The following ZNF567 variants were observed in gnomAD, a reference collection of about 807,000 sequenced individuals.
ZNF567 encodes the protein zinc finger protein 567.
Under a neutral mutation model 53.9 loss-of-function variants are expected in ZNF567, and 36 were observed. The ratio of observed to expected loss-of-function variants is 0.67; its 90% confidence interval spans 0.51 to 0.88. The LOEUF (loss-of-function observed/expected upper bound fraction) is 0.88, where lower values mean the gene tolerates loss of function less well. Ranked by LOEUF, ZNF567 falls within the 40% of genes least tolerant of loss-of-function variation. The pLI is 0.00. For synonymous variants in ZNF567, 224 were observed against 260.4 expected (o/e 0.86, Z 1.35); for missense variants, 619 against 764.7 (o/e 0.81, Z 2.25).
the ZNF567 span, among the ~76,000 whole-genome samples, chr19:36,671,491 C>T: frequency 1.3e-5 from 2 of 152,152 alleles, no homozygotes; most frequent in African/African-American, 2.4e-5. Context: ...TAGTTTACAG[C>T]GGGGCCCAGA....
chr19:36,697,021 G>A (rs921371470), intron 3 of ZNF567, among the ~76,000 whole-genome samples: 5 of 152,096 alleles, frequency 3.3e-5, no homozygotes, highest in African/African-American at 9.7e-5. Flanking sequence ...GTGCCTTAGA[G>A]GAATGTATAT....
At chr19:36,707,871 G>A (rs906155444) in intron 3 of ZNF567, among the ~76,000 whole-genome samples, 1 of 152,072 alleles carries the variant, frequency 6.6e-6, no homozygotes, top group Non-Finnish European at 1.5e-5. Flanking sequence ...GAGCCACTGC[G>A]CCCGGCCTAT....
At chr19:36,717,967 G>A (rs2040136869) in intron 5 of ZNF567, among the ~76,000 whole-genome samples, 1 of 152,202 alleles carries the variant, frequency 6.6e-6, no homozygotes, top group Non-Finnish European at 1.5e-5. Flanking sequence ...GCAGCAGTCT[G>A]AATATAGCAA....
chr19:36,678,841 ACT>A, the ZNF567 span, among the ~76,000 whole-genome samples: 1 of 113,366 alleles, frequency 8.8e-6, no homozygotes, highest in East Asian at 3.0e-4. Flanking sequence ...ACAGAGTGAG[ACT>A]CTGTCTCAAA....
intron 5 of ZNF567, among the ~76,000 whole-genome samples, chr19:36,713,433 C>T (rs975610345): frequency 1.4e-5 from 2 of 147,980 alleles, no homozygotes; most frequent in Non-Finnish European, 1.5e-5. Context: ...ACCTGGGAGA[C>T]AGAGCAAGAG....
upstream of ZNF567, among the ~76,000 whole-genome samples, chr19:36,683,596 G>C (rs2145474420): frequency 6.6e-6 from 1 of 152,270 alleles, no homozygotes; most frequent in South Asian, 2.1e-4. Context: ...CACTTTGGGA[G>C]GCCAAGGCAG....
the ZNF567 span, among the ~76,000 whole-genome samples, chr19:36,679,281 AT>A: frequency 6.6e-6 from 1 of 152,146 alleles, no homozygotes; most frequent in Non-Finnish European, 1.5e-5. Flanking sequence ...GCGAGACTCC[AT>A]CCCCCCCAAA....
intron 3 of ZNF567, chr19:36,711,392 G>A (rs1193567757): frequency 1.3e-5 from 2 of 152,196 alleles, no homozygotes; most frequent in Admixed American, 6.5e-5. Context: ...TGCCATGAGA[G>A]CTGTGGGGTT....
chr19:36,717,368 A>G (rs1451674628), intron 5 of ZNF567, among the ~76,000 whole-genome samples: 1 of 152,208 alleles, frequency 6.6e-6, no homozygotes, highest in Non-Finnish European at 1.5e-5. Flanking sequence ...AAGATTCTCT[A>G]AAGATAAATA....
rs553278721 is a variant in ZNF567, at chr19:36,720,836, T to G, written c.*168T>G. ...TGTTTACTAGCATATAAAATAAGTA[T>G]GATCATTATTATTGAACTCTATCAG... On this transcript the variant is annotated 3_prime_UTR_variant, in exon 6 of 6. Coordinates refer to ENST00000682579, the MANE Select transcript of ZNF567 (RefSeq NM_001322917.1). The G allele has an allele frequency of 3.7e-6, 2 of 547,516 alleles. No homozygotes were observed. Among genetic ancestry groups the G allele is most frequent in the Admixed American group, 3.9e-5 (1 of 25,904 alleles). The allele number at this position is 547,516 out of a possible 1,614,324, so 33.9% of individuals were successfully genotyped here.
chr19:36,723,251 A>G (rs540410315), downstream of ZNF567: 483 of 702,922 alleles, frequency 6.9e-4, 1 homozygote, highest in African/African-American at 8.1e-3. Context: ...TTTGGGGAAC[A>G]TGTGAGTCAC....
At chr19:36,709,557 T>C (rs1052472559) in intron 3 of ZNF567, among the ~76,000 whole-genome samples, 4 of 148,472 alleles carry the variant, frequency 2.7e-5, no homozygotes, top group Non-Finnish European at 6.0e-5. Flanking sequence ...CTCAAACTCC[T>C]GGCTTCAAGC....
Position 36,696,818 on chromosome 19 carries a change from T to C in ZNF567, c.9+1942T>C, listed in dbSNP as rs575484648. Among the ~76,000 whole-genome samples, 4 of 152,346 alleles carry C rather than the reference T, an allele frequency of 2.6e-5. No homozygotes were observed. In the East Asian group the frequency reaches 7.7e-4, roughly 29 times the overall value. ...TTTAACTTTTTATTATGGTAAAATA[T>C]ACATAACAGAGAGCTTACCGTTTTA... is the stretch of plus-strand genomic sequence containing the variant. On this transcript the variant is annotated intron_variant, in intron 3 of 5. Coordinates refer to ENST00000682579, the MANE Select transcript of ZNF567 (RefSeq NM_001322917.1).
At chr19:36,711,727 CCTT>C (rs1209206802) in intron 3 of ZNF567, 1 of 152,246 alleles carries the variant, frequency 6.6e-6, no homozygotes, top group African/African-American at 2.4e-5. Context: ...ACCTGTGACA[CCTT>C]CTTGCAGGTT....
chr19:36,712,038 C>T (rs570940274), intron 3 of ZNF567: 4 of 173,384 alleles, frequency 2.3e-5, no homozygotes, highest in South Asian at 2.7e-4. Context: ...ATATCCAGTC[C>T]ACCTGTTCTT....
At chr19:36,713,841 C>T (rs532414458) in intron 5 of ZNF567, among the ~76,000 whole-genome samples, 9 of 149,696 alleles carry the variant, frequency 6.0e-5, no homozygotes, top group East Asian at 4.1e-4. Context: ...AGGCTGAGGC[C>T]GGAGAATCGC....
downstream of ZNF567, among the ~76,000 whole-genome samples, chr19:36,721,732 C>CTTTTTTTTTTTTTTTTTTTT (rs756276834): frequency 2.5e-5 from 3 of 121,672 alleles, no homozygotes; most frequent in Admixed American, 3.0e-4. Context: ...GTACCAGAGT[C>CTTTTTTTTTTTTTTTTTTTT]TTTTTTTTTT....
chr19:36,716,833 T>A (rs892409366), intron 5 of ZNF567, among the ~76,000 whole-genome samples: 4 of 149,426 alleles, frequency 2.7e-5, no homozygotes, highest in African/African-American at 4.9e-5. Flanking sequence ...TCATGTAAAA[T>A]TTTTTTTTTT....
intron 2 of ZNF567, among the ~76,000 whole-genome samples, chr19:36,692,110 C>T (rs1382498970): frequency 6.6e-6 from 1 of 152,176 alleles, no homozygotes; most frequent in Non-Finnish European, 1.5e-5. Context: ...AAAACTGCTA[C>T]GAACATTCAC....
Sources: gnomAD v4.1 joint callset for allele counts (sites outside exome capture counted in the v4.1 genomes callset) on GRCh38, gnomAD v4.1.1 for gene constraint, MANE v1.5 for transcripts, NCBI Gene and HGNC (gene_info 2026-07-23, HGNC 2026-07-21) for gene names.